Variants in FGF3 observed in about 807,000 individuals in gnomAD.
FGF3 encodes the protein FGF-3.
A neutral mutation model predicts 9.8 loss-of-function variants in FGF3; 7 were observed. The ratio of observed to expected loss-of-function variants is 0.72; its 90% CI spans 0.41 to 1.35. FGF3 has a LOEUF of 1.35. Ranked by LOEUF, FGF3 falls within the 40% of genes most tolerant of loss-of-function variation. FGF3 has a pLI of 0.01. For missense variants in FGF3, 390 were observed against 345.6 expected (o/e 1.13, Z -1.02); for synonymous variants, 173 against 157.2 (o/e 1.10, Z -0.75).
intron 1 of FGF3, among the ~76,000 whole-genome samples, chr11:69,816,831 C>T (rs1856141600): frequency 6.6e-6 from 1 of 152,204 alleles, no homozygotes; most frequent in African/African-American, 2.4e-5. Context: ...CTGGCGGCAG[C>T]CATGGGAGTC....
Position 69,818,829 on chromosome 11 carries a change from G to A in FGF3, c.105C>T (p.Val35=), listed in dbSNP as rs1856188240. The A allele has an allele frequency of 2.7e-6, 4 of 1,484,270 alleles. No homozygotes were observed. Among genetic ancestry groups the A allele is most frequent in the Non-Finnish European group, 3.6e-6 (4 of 1,123,960 alleles). The allele number at this position is 1,484,270 out of a possible 1,614,324, so 91.9% of individuals were successfully genotyped here. A position where few individuals can be genotyped will look rare whatever the true frequency, so the allele number is the denominator to read the frequency against. Residue 35 remains valine (V), a synonymous_variant, in exon 1 of 3, where the codon GTC becomes GTT. Coordinates refer to ENST00000334134, the MANE Select transcript of FGF3 (RefSeq NM_005247.4). ...GGGGCGCCCCGCCAAGGTGCTCGTA[G>A]ACGCCGCCACGGCCGCCCGCATCGC... The part of the protein sequence containing the change: ...LRRDAGGRGG[V]YEHLGGAPRR...
chr11:69,813,455 G>A (rs1856059088), intron 2 of FGF3, among the ~76,000 whole-genome samples: 1 of 152,234 alleles, frequency 6.6e-6, no homozygotes, highest in Non-Finnish European at 1.5e-5. Context: ...GCTTTTTTAG[G>A]AAGCCCCTTT....
intron 2 of FGF3, among the ~76,000 whole-genome samples, chr11:69,811,645 GC>G (rs1477843975): frequency 2.0e-5 from 3 of 152,118 alleles, no homozygotes; most frequent in Admixed American, 2.0e-4. Flanking sequence ...GGAGGATCTC[GC>G]CTTGCAGGTT....
In FGF3 at chr11:69,818,690, G is replaced by A. The variant is rs566575194; in HGVS notation, c.220+24C>T. On this transcript the variant is annotated intron_variant, in intron 1 of 2. Coordinates refer to ENST00000334134, the MANE Select transcript of FGF3 (RefSeq NM_005247.4). ...CCCCTCCCGGCGCCGCTTCCCCCGG[G>A]GCCCCGCAGCGTCCGGCACTCACTG... 17 of 1,451,356 alleles carry A rather than the reference G, an allele frequency of 1.2e-5. No individual in the cohort carries two copies. The African/African-American group carries it at 2.4e-4, about 20-fold the overall frequency. The allele number at this position is 1,451,356 out of a possible 1,614,324, so 89.9% of individuals were successfully genotyped here.
chr11:69,815,137 A>AGGTGGATGGGTGGATG (rs1179038519), intron 2 of FGF3, among the ~76,000 whole-genome samples: 6 of 87,956 alleles, frequency 6.8e-5, no homozygotes, highest in African/African-American at 2.6e-4. Flanking sequence ...ATGGATGGAT[A>AGGTGGATGGGTGGATG]GGTGGATGGG....
At chr11:69,812,217 A>C (rs1856040774) in intron 2 of FGF3, among the ~76,000 whole-genome samples, 1 of 152,106 alleles carries the variant, frequency 6.6e-6, no homozygotes, top group African/African-American at 2.4e-5. Flanking sequence ...GTCTGTCCCC[A>C]TCTGGGGTGT....
At chr11:69,812,728 G>A (rs1374802909) in intron 2 of FGF3, among the ~76,000 whole-genome samples, 2 of 152,172 alleles carry the variant, frequency 1.3e-5, no homozygotes, top group Non-Finnish European at 2.9e-5. Flanking sequence ...GAAGCTCAGG[G>A]CAGGACCCAA....
At chr11:69,814,427 G>A (rs576958792) in intron 2 of FGF3, among the ~76,000 whole-genome samples, 5 of 152,060 alleles carry the variant, frequency 3.3e-5, no homozygotes, top group African/African-American at 1.2e-4. Context: ...TGCTGAGTTC[G>A]GTTCGAGTGT....
chr11:69,810,037 T>G lies in FGF3; in HGVS notation c.*268A>C, dbSNP rs1554980249. 1 of 451,928 alleles carries G rather than the reference T, an allele frequency of 2.2e-6. No individual in the cohort carries two copies. 28.0% of individuals were successfully genotyped at this position (451,928 alleles called of 1,614,324 possible). On this transcript the variant is annotated 3_prime_UTR_variant, in exon 3 of 3. Coordinates refer to ENST00000334134, the MANE Select transcript of FGF3 (RefSeq NM_005247.4). ...TGCCCCGCTGCTCCTGGGAGGCTCC[T>G]CAGTCTGCCAGGGCTGGCACTCAGG...
At chr11:69,816,214 A>G in intron 2 of FGF3, 106 bp downstream of exon 2, 1 of 898,622 alleles carries the variant, frequency 1.1e-6, no homozygotes, top group Non-Finnish European at 1.9e-6. Flanking sequence ...GGTCCCGTGT[A>G]CCCTTGGCAA....
chr11:69,811,374 C>T (rs533409289), intron 2 of FGF3, among the ~76,000 whole-genome samples: 9 of 147,972 alleles, frequency 6.1e-5, no homozygotes, highest in East Asian at 3.9e-4. Flanking sequence ...CACTTGAACC[C>T]GGGAGGCAGA....
chr11:69,816,078 C>A (rs1360813743), intron 2 of FGF3, among the ~76,000 whole-genome samples: 1 of 152,168 alleles, frequency 6.6e-6, no homozygotes, highest in Non-Finnish European at 1.5e-5. Context: ...CCTTTGCTAA[C>A]CTGGCATTCT....
At chr11:69,815,905 A>G (rs1178970643) in intron 2 of FGF3, among the ~76,000 whole-genome samples, 3 of 152,096 alleles carry the variant, frequency 2.0e-5, no homozygotes, top group Admixed American at 2.0e-4. Context: ...GAGCTGGGCC[A>G]GCGTCCTCCT....
At chr11:69,811,367 T>C (rs1856026912) in intron 2 of FGF3, among the ~76,000 whole-genome samples, 6 of 149,392 alleles carry the variant, frequency 4.0e-5, no homozygotes, top group Admixed American at 4.0e-4. Flanking sequence ...GGAGAATCAC[T>C]TGAACCCGGG....
intron 1 of FGF3, among the ~76,000 whole-genome samples, 196 bp downstream of exon 1, chr11:69,818,518 G>C (rs1477234901): frequency 6.6e-6 from 1 of 152,080 alleles, no homozygotes; most frequent in African/African-American, 2.4e-5. Flanking sequence ...GGTTGAGGAG[G>C]GCACCCTGGC....
intron 2 of FGF3, among the ~76,000 whole-genome samples, chr11:69,812,379 G>T (rs1415033843): frequency 6.6e-6 from 1 of 152,150 alleles, no homozygotes; most frequent in African/African-American, 2.4e-5. Flanking sequence ...GAGCAGGGAA[G>T]GGTGGAAGGC....
At chr11:69,816,455 C>T (rs548142624) in intron 1 of FGF3, 32 bp from the exon 2 acceptor site, 41 of 1,573,030 alleles carry the variant, frequency 2.6e-5, no homozygotes, top group African/African-American at 4.0e-5. Flanking sequence ...TCACTCCCGC[C>T]GCCCCCACGG....
intron 2 of FGF3, among the ~76,000 whole-genome samples, chr11:69,813,620 A>C (rs1215913327): frequency 2.2e-5 from 3 of 134,310 alleles, no homozygotes; most frequent in African/African-American, 5.7e-5. Flanking sequence ...GGATGGGTGG[A>C]TGGATGGATG....
chr11:69,814,463 G>A (rs2119923352), intron 2 of FGF3, among the ~76,000 whole-genome samples: 1 of 152,088 alleles, frequency 6.6e-6, no homozygotes. Flanking sequence ...GTTGGGGGAG[G>A]GTGGTCTATA....
Sources: gnomAD v4.1 joint callset for allele counts (sites outside exome capture counted in the v4.1 genomes callset) on GRCh38, gnomAD v4.1.1 for gene constraint, MANE v1.5 for transcripts, NCBI Gene and HGNC (gene_info 2026-07-23, HGNC 2026-07-21) for gene names.